EDRF1: variants seen among roughly 807,000 people sequenced by gnomAD.
EDRF1 encodes the protein erythroid differentiation regulatory factor 1, also known as erythroid differentiation-related factor 1.
EDRF1 carries 69 observed loss-of-function variants against 148.7 expected under a neutral mutation model. The observed-to-expected ratio is 0.46, with a 90% CI of 0.38 to 0.57. The LOEUF (loss-of-function observed/expected upper bound fraction) is 0.57, where lower values mean the gene tolerates loss of function less well. Among genes scored for constraint, EDRF1 ranks in the 20% least tolerant of loss-of-function variants. EDRF1 has a pLI of 0.00. For synonymous variants in EDRF1, 515 were observed against 532.8 expected, an observed-to-expected ratio of 0.97 and a Z score of 0.46; for missense variants, 1,118 against 1,478.7, an observed-to-expected ratio of 0.76 and a Z score of 4.00.
intron 17 of EDRF1, among the ~76,000 whole-genome samples, chr10:125,741,996 G>T (rs542605873): frequency 6.6e-6 from 1 of 152,172 alleles, no homozygotes; most frequent in African/African-American, 2.4e-5. Flanking sequence ...ACCCAGCCTT[G>T]TGTCAGCTTT....
In EDRF1 at chr10:125,723,899, A is replaced by C; in HGVS notation, c.473A>C (p.Glu158Ala). ...HRIGRTLLLD[E>A]LDIQELFMRS... ...ATAGGAAGGACTCTCTTACTAGATG[A>C]GCTAGATATTCAAGAACTCTTTATG... Residue 158 changes from glutamate to alanine, a missense_variant, in exon 4 of 25, where the codon GAG becomes GCG. Around this residue, in one of 3 missense-constraint regions of EDRF1, gnomAD observed 99 missense variants for 186.9 expected, o/e 0.53. Transcript: ENST00000356792. 6.2e-7 allele frequency: 1 copy of C among 1,613,730 alleles called. No individual in the cohort carries two copies. The highest frequency in any genetic ancestry group is 8.5e-7 in the Non-Finnish European group (1 of 1,179,678).
At chr10:125,755,246 A>G (rs1849847094) in intron 24 of EDRF1, among the ~76,000 whole-genome samples, 1 of 152,188 alleles carries the variant, frequency 6.6e-6, no homozygotes. Flanking sequence ...CTTTTATTAC[A>G]TTTATTGAGA....
intron 9 of EDRF1, chr10:125,731,841 C>T (rs1848488680): frequency 4.5e-6 from 2 of 448,624 alleles, no homozygotes; most frequent in African/African-American, 4.1e-5. Flanking sequence ...GCTTTAAATG[C>T]TTTACCTTAT....
chr10:125,729,505 A>G, intron 8 of EDRF1, 26 bp downstream of exon 8: 1 of 1,613,808 alleles, frequency 6.2e-7, no homozygotes, highest in Non-Finnish European at 8.5e-7. Flanking sequence ...ACCCCTCCTC[A>G]AGCTTATGGT....
rs774889918 is a variant in EDRF1 at position 125,738,360 on chromosome 10, T to A, written c.1896T>A (p.Thr632=). The A allele has an allele frequency of 1.9e-6, 3 of 1,614,088 alleles. No individual in the cohort carries two copies. Among genetic ancestry groups the A allele is most frequent in the Non-Finnish European group, 2.5e-6 (3 of 1,180,004 alleles). The change falls in exon 15 of 25, where the codon ACT becomes ACA. Residue 632 remains threonine, a synonymous_variant. Transcript: ENST00000356792. ...ACCTTCCAGCAGCTGACCCCAGCAC[T>A]CCAATCCCGTTAAAATATGAAGATG... ...ESDLPAADPS[T]PIPLKYEDES... is the part of the protein sequence containing the mutation.
At chr10:125,752,766 A>G in intron 22 of EDRF1, 33 bp from the exon 23 acceptor site, 22 of 1,417,014 alleles carry the variant, frequency 1.6e-5, no homozygotes, top group Non-Finnish European at 2.2e-5. Context: ...GATTTATATT[A>G]AAGAAATGAA....
In EDRF1 at chr10:125,747,885, C is replaced by A; in HGVS notation, c.2996C>A (p.Ala999Asp). 6.2e-7 allele frequency: 1 copy of A among 1,614,172 alleles called. No homozygotes were observed. The highest frequency in any genetic ancestry group is 8.5e-7 in the Non-Finnish European group (1 of 1,180,022). Residue 999 changes from alanine to aspartate, a missense_variant, in exon 21 of 25, where the codon GCC (alanine) becomes GAC (aspartate). Around this residue, in one of 3 missense-constraint regions of EDRF1, gnomAD observed 954 missense variants for 1,241.4 expected, o/e 0.77. Transcript: ENST00000356792. ...CAGATTGAGAAAGAAGTCAGTGAGG[C>A]CATGATGAAGTCCCTAAAATACTGC... ...QEQIEKEVSE[A>D]MMKSLKYCDV...
At chr10:125,731,802 G>A (rs1848487213) in intron 9 of EDRF1, 1 of 431,400 alleles carries the variant, frequency 2.3e-6, no homozygotes, top group Non-Finnish European at 4.8e-6. Context: ...TTTATTGAGT[G>A]CTTATTTTAT....
At chr10:125,748,592 C>A (rs543325981) in intron 21 of EDRF1, 2 of 166,896 alleles carry the variant, frequency 1.2e-5, no homozygotes, top group Admixed American at 1.1e-4. Context: ...GTTGATTTTC[C>A]CCCCCCGTAA....
intron 18 of EDRF1, 42 bp downstream of exon 18, chr10:125,743,318 A>G (rs752539636): frequency 3.2e-6 from 5 of 1,546,888 alleles, no homozygotes; most frequent in Non-Finnish European, 4.5e-6. Context: ...TTGTTCTCTC[A>G]GAAAATTATG....
chr10:125,731,825 C>T (rs1848488164), intron 9 of EDRF1: 1 of 439,900 alleles, frequency 2.3e-6, no homozygotes, highest in Non-Finnish European at 4.6e-6. Context: ...AAGCACTTTG[C>T]TGAATGCTTT....
rs772744106 is a variant in EDRF1, at chr10:125,735,858, G to A, written c.1712G>A (p.Gly571Glu). 1.9e-6 allele frequency: 3 copies of A among 1,612,694 alleles called. No homozygotes were observed. The highest frequency in any genetic ancestry group is 2.5e-6 in the Non-Finnish European group (3 of 1,179,074). ...GCAGTAGCTATAATCAAGTCTGTTGGAGAACTATCAGTACCAGAAAAATAC... is the reference window on the plus strand; with the variant it reads ...GCAGTAGCTATAATCAAGTCTGTTGAAGAACTATCAGTACCAGAAAAATAC... ...SKAVAIIKSVGELSVPEKYKS... is the reference protein window; with the variant it reads ...SKAVAIIKSVEELSVPEKYKS... The change falls in exon 13 of 25, where the codon GGA becomes GAA. Residue 571 changes from glycine (G) to glutamate (E), a missense_variant. Gly to Glu is a moderately conservative substitution (Grantham distance 98). Transcript: ENST00000356792.
Position 125,763,231 on chromosome 10 carries a change from T to G in EDRF1, c.3546-70T>G. ...ACTGTTGGGCTGTCACTGTCCGGTT[T>G]TCTGGACCTCTGAATTGTCGGTAGG... On this transcript the variant is annotated intron_variant, in intron 24 of 24. Transcript: ENST00000356792. The surrounding 1 kb of genome is among the most constrained non-coding windows in gnomAD (Gnocchi z 4.3). 1 of 1,494,360 alleles carries G rather than the reference T, an allele frequency of 6.7e-7. No homozygotes were observed. Among genetic ancestry groups the G allele is most frequent in the Non-Finnish European group, 9.2e-7 (1 of 1,083,092 alleles). 92.6% of individuals were successfully genotyped at this position (1,494,360 alleles called of 1,614,324 possible).
chr10:125,762,381 G>C (rs756629265), intron 24 of EDRF1, among the ~76,000 whole-genome samples: 4 of 152,098 alleles, frequency 2.6e-5, no homozygotes, highest in Non-Finnish European at 5.9e-5. Flanking sequence ...TATCTGAGGG[G>C]ATGGGATTAT....
intron 18 of EDRF1, 108 bp downstream of exon 18, chr10:125,743,384 A>G (rs1440620070): frequency 9.1e-6 from 8 of 875,896 alleles, no homozygotes; most frequent in South Asian, 4.3e-5. Context: ...TATCATAAAG[A>G]GGTGCTCTAT....
chr10:125,753,831 TA>T lies in EDRF1; in HGVS notation c.3536del (p.Lys1179ArgfsTer24). The T allele has an allele frequency of 6.2e-7, 1 of 1,612,956 alleles. No individual in the cohort carries two copies. The highest frequency in any genetic ancestry group is 8.5e-7 in the Non-Finnish European group (1 of 1,179,922). On this transcript the variant is annotated frameshift_variant, in exon 24 of 25. Coordinates refer to ENST00000356792, the MANE Select transcript of EDRF1 (RefSeq NM_001202438.2). LOFTEE classifies it low-confidence loss of function (END_TRUNC). The part of the protein sequence containing the change: ...LQSIKLLSST[K>X]KKTSNNIEDD... ...AGTCCATTAAACTGCTATCTTCAAC[TA>T]AAAAGAAAACAAGGTAAATTAAGTG...
At chr10:125,720,563 A>G (rs894127139) in intron 1 of EDRF1, among the ~76,000 whole-genome samples, 3 of 152,150 alleles carry the variant, frequency 2.0e-5, no homozygotes, top group African/African-American at 4.8e-5. Flanking sequence ...TAATCCTAGC[A>G]CTTTGGGAGG....
chr10:125,745,601 A>C (rs1472100562), intron 18 of EDRF1, 106 bp from the exon 19 acceptor site: 23 of 1,202,192 alleles, frequency 1.9e-5, no homozygotes, highest in East Asian at 5.0e-5. Flanking sequence ...CTGGCTCGCC[A>C]CCACACTCCT....
chr10:125,762,711 C>T (rs1850246505), intron 24 of EDRF1, among the ~76,000 whole-genome samples: 1 of 152,156 alleles, frequency 6.6e-6, no homozygotes. Context: ...AACTGAGATG[C>T]AGCAGTTCTT....
Sources: gnomAD v4.1 joint callset for allele counts (sites outside exome capture counted in the v4.1 genomes callset) on GRCh38, gnomAD v4.1.1 for gene constraint, gnomAD v4.1.1 regional missense constraint, Gnocchi (gnomAD v3.1) non-coding constraint, MANE v1.5 for transcripts, NCBI Gene and HGNC (gene_info 2026-07-23, HGNC 2026-07-21) for gene names.